ATP10A: variants seen among roughly 807,000 people sequenced by gnomAD.
ATP10A encodes ATPase phospholipid transporting 10A (putative).
In ATP10A, 111 loss-of-function variants were observed where a neutral mutation model predicts 147.8. The observed-to-expected ratio is 0.75, with a 90% CI of 0.64 to 0.88. The LOEUF (loss-of-function observed/expected upper bound fraction) is 0.88, where lower values mean the gene tolerates loss of function less well. ATP10A is among the 40% of genes least tolerant of loss of function. ATP10A has a pLI of 0.00. For synonymous variants in ATP10A, 875 were observed against 841.6 expected, an observed-to-expected ratio of 1.04 and a Z score of -0.69; for missense variants, 1,927 against 1,959.0, an observed-to-expected ratio of 0.98 and a Z score of 0.31.
intron 2 of ATP10A, among the ~76,000 whole-genome samples, chr15:25,760,059 T>C: frequency 6.6e-6 from 1 of 151,836 alleles, no homozygotes; most frequent in Non-Finnish European, 1.5e-5. Flanking sequence ...CTCCAACTCC[T>C]GGGTTCAAGC....
At chr15:25,716,701 G>T in intron 9 of ATP10A, 29 bp downstream of exon 9, 4 of 1,522,098 alleles carry the variant, frequency 2.6e-6, no homozygotes, top group Middle Eastern at 1.8e-4. Flanking sequence ...GAAGGTCAAG[G>T]TCAAGCTCAG....
intron 1 of ATP10A, among the ~76,000 whole-genome samples, chr15:25,860,058 G>A (rs941641548): frequency 6.6e-6 from 1 of 152,136 alleles, no homozygotes; most frequent in Non-Finnish European, 1.5e-5. Context: ...TCAACCAAAC[G>A]CACTGCACAG....
intron 1 of ATP10A, among the ~76,000 whole-genome samples, chr15:25,824,108 G>A (rs1037163852): frequency 1.3e-5 from 2 of 151,706 alleles, no homozygotes; most frequent in African/African-American, 4.8e-5. Flanking sequence ...ACTTGTATAT[G>A]AATATAACAT....
At chr15:25,680,091 TCAGAGG>T in intron 20 of ATP10A, 24 bp downstream of exon 20, 1 of 1,606,928 alleles carries the variant, frequency 6.2e-7, no homozygotes, top group Non-Finnish European at 8.5e-7. Flanking sequence ...CACTCGGGGC[TCAGAGG>T]CACTATCCCG....
chr15:25,700,508 A>G (rs1163848680), intron 13 of ATP10A, among the ~76,000 whole-genome samples: 1 of 152,264 alleles, frequency 6.6e-6, no homozygotes, highest in East Asian at 1.9e-4. Context: ...GGAGAAATAT[A>G]CTACTGGTTC....
intron 12 of ATP10A, among the ~76,000 whole-genome samples, chr15:25,707,773 G>C (rs1901125586): frequency 6.6e-6 from 1 of 152,174 alleles, no homozygotes; most frequent in Non-Finnish European, 1.5e-5. Context: ...TGCCTGGGGG[G>C]CAGCACGTGC....
In ATP10A at chr15:25,771,755, T is replaced by TA. The variant is rs1450364682; in HGVS notation, c.654+9263_654+9264insT. Reference sequence around the variant, plus strand: ...ATACTACACCTCCTGAAAGCCACCTTTTTTTTTTTTTTGAGACAGAGTCTT... The same window carrying TA: ...ATACTACACCTCCTGAAAGCCACCTTATTTTTTTTTTTTGAGACAGAGTCTT... On this transcript the variant is annotated intron_variant, in intron 2 of 20. Coordinates refer to ENST00000555815, the MANE Select transcript of ATP10A (RefSeq NM_024490.4). Among the ~76,000 whole-genome samples the TA allele has an allele frequency of 1.4e-4, 20 of 146,686 alleles. No individual in the cohort carries two copies. In the East Asian group the frequency reaches 2.8e-3, roughly 20 times the overall value.
intron 1 of ATP10A, among the ~76,000 whole-genome samples, chr15:25,851,583 G>A (rs1296608425): frequency 1.3e-5 from 2 of 152,132 alleles, no homozygotes; most frequent in Non-Finnish European, 2.9e-5. Flanking sequence ...GCTTCTTCTA[G>A]TGAGGTACAT....
At chr15:25,681,270 A>G (rs575596649) in intron 17 of ATP10A, among the ~76,000 whole-genome samples, 196 bp from the exon 18 acceptor site, 58 of 152,308 alleles carry the variant, frequency 3.8e-4, no homozygotes, top group Admixed American at 1.6e-3. Flanking sequence ...AAATGATCAT[A>G]TCCACAGAAA....
intron 2 of ATP10A, among the ~76,000 whole-genome samples, chr15:25,761,198 C>G (rs1478681871): frequency 6.6e-6 from 1 of 152,128 alleles, no homozygotes; most frequent in Non-Finnish European, 1.5e-5. Context: ...TGTATTATTC[C>G]ATTTCTATCT....
chr15:25,824,185 A>C (rs1207727220), intron 1 of ATP10A, among the ~76,000 whole-genome samples: 1 of 152,248 alleles, frequency 6.6e-6, no homozygotes, highest in Non-Finnish European at 1.5e-5. Context: ...AATTGAAAAA[A>C]ACATTTCTCA....
chr15:25,770,125 C>T (rs568345297), intron 2 of ATP10A, among the ~76,000 whole-genome samples: 21 of 152,314 alleles, frequency 1.4e-4, no homozygotes, highest in African/African-American at 4.3e-4. Flanking sequence ...AAGCCAACTA[C>T]GAGGTGAGCA....
chr15:25,796,255 A>G (rs1303763789), intron 1 of ATP10A, among the ~76,000 whole-genome samples: 1 of 152,114 alleles, frequency 6.6e-6, no homozygotes. Flanking sequence ...CAGAAACAAA[A>G]TTAGCCAGGT....
At chr15:25,699,924 A>G (rs1395555715) in intron 13 of ATP10A, among the ~76,000 whole-genome samples, 1 of 152,160 alleles carries the variant, frequency 6.6e-6, no homozygotes, top group African/African-American at 2.4e-5. Context: ...TATCAAAACT[A>G]AAAGCTTTTG....
intron 1 of ATP10A, among the ~76,000 whole-genome samples, chr15:25,782,181 G>T (rs1200454421): frequency 6.6e-6 from 1 of 152,190 alleles, no homozygotes; most frequent in Non-Finnish European, 1.5e-5. Context: ...ACTCTTGCCG[G>T]TTCCACTTAA....
intron 1 of ATP10A, among the ~76,000 whole-genome samples, chr15:25,861,484 G>A (rs1214515603): frequency 6.6e-6 from 1 of 152,106 alleles, no homozygotes; most frequent in Admixed American, 6.5e-5. Flanking sequence ...AGGGTGAAAG[G>A]TACTCAACTA....
At chr15:25,854,012 A>G (rs1893404096) in intron 1 of ATP10A, among the ~76,000 whole-genome samples, 1 of 152,152 alleles carries the variant, frequency 6.6e-6, no homozygotes, top group South Asian at 2.1e-4. Flanking sequence ...AAAGAAATCA[A>G]TTACAGTAAT....
intron 1 of ATP10A, among the ~76,000 whole-genome samples, chr15:25,808,541 C>A (rs1003434628): frequency 1.1e-4 from 16 of 152,336 alleles, no homozygotes; most frequent in South Asian, 1.0e-3. Flanking sequence ...TGCGCCACCA[C>A]GCCTGGCTAA....
chr15:25,766,657 G>C (rs1398696255), intron 2 of ATP10A, among the ~76,000 whole-genome samples: 1 of 151,918 alleles, frequency 6.6e-6, no homozygotes. Context: ...GTGCTTACAT[G>C]CACTGAGGAA....
Sources: gnomAD v4.1 joint callset for allele counts (sites outside exome capture counted in the v4.1 genomes callset) on GRCh38, gnomAD v4.1.1 for gene constraint, MANE v1.5 for transcripts, NCBI Gene and HGNC (gene_info 2026-07-23, HGNC 2026-07-21) for gene names.